JAKMIP2: variants seen among roughly 807,000 people sequenced by gnomAD.
The protein encoded by JAKMIP2 is janus kinase and microtubule-interacting protein 2.
In JAKMIP2, 25 loss-of-function variants were observed where a neutral mutation model predicts 115.0. The ratio of observed to expected loss-of-function variants is 0.22; its 90% CI spans 0.16 to 0.30. JAKMIP2 has a LOEUF of 0.30. JAKMIP2 is among the 10% of genes least tolerant of loss of function. The pLI is 1.00. For missense variants in JAKMIP2, 642 were observed against 957.6 expected (o/e 0.67, Z 4.35); for synonymous variants, 334 against 343.6 (o/e 0.97, Z 0.31).
At chr5:147,615,176 G>A (rs1756507682) in intron 19 of JAKMIP2, among the ~76,000 whole-genome samples, 1 of 152,112 alleles carries the variant, frequency 6.6e-6, no homozygotes, top group Non-Finnish European at 1.5e-5. Flanking sequence ...TACACAGCAG[G>A]CCCTCAATAA....
At position 147,650,413 on chromosome 5, in the gene JAKMIP2, A is replaced by T. The variant is rs1233745123; in HGVS notation, c.762T>A (p.Ala254=). The change falls in exon 4 of 22, where the codon GCT becomes GCA. Residue 254 remains alanine (A), a synonymous_variant. Coordinates refer to ENST00000616793, the MANE Select transcript of JAKMIP2 (RefSeq NM_001270941.2). ...LDEQLFLVKE[A]ECNMSSPKRE... is the part of the protein sequence containing the mutation. ...GTTTTGGGCTGCTCATGTTGCACTC[A>T]GCCTCCTTGACCAGAAAGAGTTGTT... 3.1e-6 allele frequency: 5 copies of T among 1,613,886 alleles called. No individual in the cohort carries two copies. The highest frequency in any genetic ancestry group is 4.2e-6 in the Non-Finnish European group (5 of 1,179,844).
chr5:147,661,080 C>T lies in JAKMIP2; in HGVS notation c.495G>A (p.Gln165=). 1 of 1,614,078 alleles carries T rather than the reference C, an allele frequency of 6.2e-7. No individual in the cohort carries two copies. Among genetic ancestry groups the T allele is most frequent in the Non-Finnish European group, 8.5e-7 (1 of 1,180,032 alleles). The change falls in exon 3 of 22, where the codon CAG becomes CAA. Residue 165 remains glutamine (Q), a synonymous_variant. Transcript: ENST00000616793. ...EIADLKTAKK[Q]VDEALSNMIQ... Reference sequence around the variant, plus strand: ...TCATATTGCTCAGAGCCTCGTCCACCTGCTTCTTGGCCGTTTTCAGGTCCG... The same window carrying T: ...TCATATTGCTCAGAGCCTCGTCCACTTGCTTCTTGGCCGTTTTCAGGTCCG...
At chr5:147,658,776 T>C (rs1308407295) in intron 3 of JAKMIP2, among the ~76,000 whole-genome samples, 1 of 152,052 alleles carries the variant, frequency 6.6e-6, no homozygotes, top group African/African-American at 2.4e-5. Flanking sequence ...CGCTTTGCTG[T>C]GCTGTGGTGA....
chr5:147,631,643 A>C, intron 13 of JAKMIP2, 132 bp from the exon 14 acceptor site: 1 of 562,192 alleles, frequency 1.8e-6, no homozygotes, highest in Non-Finnish European at 3.1e-6. Context: ...ATTCAATCTC[A>C]AGATGTTCAT....
At chr5:147,723,757 G>A (rs1212548858) in intron 1 of JAKMIP2, among the ~76,000 whole-genome samples, 1 of 152,080 alleles carries the variant, frequency 6.6e-6, no homozygotes, top group Non-Finnish European at 1.5e-5. Context: ...AAGCCACATG[G>A]CTTAAAAAGT....
intron 1 of JAKMIP2, among the ~76,000 whole-genome samples, chr5:147,762,673 G>A (rs1030478999): frequency 2.0e-5 from 3 of 152,024 alleles, no homozygotes; most frequent in Non-Finnish European, 4.4e-5. Flanking sequence ...TCCCTAAAGG[G>A]CCTATCTCCA....
intron 1 of JAKMIP2, among the ~76,000 whole-genome samples, chr5:147,686,196 C>T (rs1333485003): frequency 6.6e-6 from 1 of 152,146 alleles, no homozygotes; most frequent in Non-Finnish European, 1.5e-5. Context: ...CAATTGTCCA[C>T]GCTGCAAAAC....
chr5:147,656,260 A>C (rs1374861535), intron 3 of JAKMIP2, among the ~76,000 whole-genome samples: 1 of 152,194 alleles, frequency 6.6e-6, no homozygotes, highest in Non-Finnish European at 1.5e-5. Flanking sequence ...TTTCTATCAC[A>C]TTGATCTGTC....
chr5:147,654,346 G>A (rs1758568604), intron 3 of JAKMIP2, among the ~76,000 whole-genome samples: 1 of 151,986 alleles, frequency 6.6e-6, no homozygotes, highest in South Asian at 2.1e-4. Flanking sequence ...TATCCATGAG[G>A]ATGGAATGTT....
intron 20 of JAKMIP2, among the ~76,000 whole-genome samples, chr5:147,609,060 T>A (rs1204235290): frequency 6.6e-6 from 1 of 152,164 alleles, no homozygotes; most frequent in Non-Finnish European, 1.5e-5. Flanking sequence ...ATTTTGAGTC[T>A]ATGTGTGTCT....
chr5:147,705,357 C>T (rs1752521259), intron 1 of JAKMIP2, among the ~76,000 whole-genome samples: 1 of 152,026 alleles, frequency 6.6e-6, no homozygotes, highest in Non-Finnish European at 1.5e-5. Context: ...AATCCTAGCA[C>T]CTTGGGAGGT....
chr5:147,607,274 A>C (rs1756066600), intron 20 of JAKMIP2, among the ~76,000 whole-genome samples: 1 of 152,210 alleles, frequency 6.6e-6, no homozygotes, highest in Non-Finnish European at 1.5e-5. Context: ...GAATGCTTCC[A>C]GCTTTTGCCC....
chr5:147,657,331 C>T (rs972223392), intron 3 of JAKMIP2, among the ~76,000 whole-genome samples: 1 of 152,192 alleles, frequency 6.6e-6, no homozygotes, highest in Non-Finnish European at 1.5e-5. Context: ...CTATTGGCCC[C>T]TACTCTCTTC....
intron 1 of JAKMIP2, among the ~76,000 whole-genome samples, chr5:147,765,877 A>G (rs914547432): frequency 3.9e-5 from 6 of 152,142 alleles, no homozygotes; most frequent in Non-Finnish European, 7.4e-5. Context: ...TATATTCTAA[A>G]CATCTTTGAG....
chr5:147,629,725 T>G lies in JAKMIP2; in HGVS notation c.1897A>C (p.Ile633Leu). The G allele has an allele frequency of 6.2e-7, 1 of 1,612,816 alleles. No homozygotes were observed. The highest frequency in any genetic ancestry group is 8.5e-7 in the Non-Finnish European group (1 of 1,179,354). ...TCACCCAAGATATCAAGCTGCTTTA[T>G]GAGATCAGGGATGTTCACATCCTGC... Reference protein sequence around the residue: ...GVKDVNIPDLIKQLDILGDNG... With the variant: ...GVKDVNIPDLLKQLDILGDNG... The change falls in exon 15 of 22, where the codon ATA (isoleucine) becomes CTA (leucine). Residue 633 changes from isoleucine to leucine, a missense_variant. Physicochemically the swap from Ile to Leu is conservative, Grantham distance 5 (BLOSUM62 2). Around this residue, in one of 6 missense-constraint regions of JAKMIP2, gnomAD observed 103 missense variants for 177.6 expected, o/e 0.58. Coordinates refer to ENST00000616793, the MANE Select transcript of JAKMIP2 (RefSeq NM_001270941.2).
chr5:147,631,649 T>C lies in JAKMIP2; in HGVS notation c.1777-138A>G, dbSNP rs1014321379. ...AAGAAAAAAATTCAATCTCAAGATGTTCATGATTAAATGTGACGGAAAAAG... is the reference window on the plus strand; with the variant it reads ...AAGAAAAAAATTCAATCTCAAGATGCTCATGATTAAATGTGACGGAAAAAG... On this transcript the variant is annotated intron_variant, in intron 13 of 21. Coordinates refer to ENST00000616793, the MANE Select transcript of JAKMIP2 (RefSeq NM_001270941.2). 4 of 561,082 alleles carry C rather than the reference T, an allele frequency of 7.1e-6. No homozygotes were observed. The East Asian group carries it at 9.0e-5, about 13-fold the overall frequency. 34.8% of individuals were successfully genotyped at this position (561,082 alleles called of 1,614,324 possible). A position where few individuals can be genotyped will look rare whatever the true frequency, so the allele number is the denominator to read the frequency against.
intron 17 of JAKMIP2, among the ~76,000 whole-genome samples, chr5:147,621,314 C>G (rs1335673745): frequency 6.6e-6 from 1 of 152,174 alleles, no homozygotes; most frequent in Non-Finnish European, 1.5e-5. Context: ...TTTCTGTGTG[C>G]TTCTCATATT....
At chr5:147,611,819 G>A (rs1193708561) in intron 20 of JAKMIP2, among the ~76,000 whole-genome samples, 1 of 152,148 alleles carries the variant, frequency 6.6e-6, no homozygotes, top group Non-Finnish European at 1.5e-5. Flanking sequence ...GGAAGAAGCA[G>A]CCACTCTTTG....
intron 1 of JAKMIP2, among the ~76,000 whole-genome samples, chr5:147,747,110 T>G (rs977307266): frequency 6.0e-4 from 91 of 152,260 alleles, no homozygotes; most frequent in African/African-American, 2.1e-3. Context: ...ATTATTATTT[T>G]TAACCCAATG....
Sources: gnomAD v4.1 joint callset for allele counts (sites outside exome capture counted in the v4.1 genomes callset) on GRCh38, gnomAD v4.1.1 for gene constraint, gnomAD v4.1.1 regional missense constraint, MANE v1.5 for transcripts, NCBI Gene and HGNC (gene_info 2026-07-23, HGNC 2026-07-21) for gene names.